Variants in DEPTOR observed in about 807,000 individuals in gnomAD.
The protein encoded by DEPTOR is DEP domain containing MTOR interacting protein, also known as DEP domain-containing mTOR-interacting protein.
Under a neutral mutation model 41.6 loss-of-function variants are expected in DEPTOR, and 41 were observed. The observed-to-expected ratio is 0.98, with a 90% CI of 0.77 to 1.28. The LOEUF (loss-of-function observed/expected upper bound fraction) is 1.28. Among genes scored for constraint, DEPTOR ranks in the 50% most tolerant of loss-of-function variants. The pLI is 0.00. For missense variants in DEPTOR, 514 were observed against 527.9 expected (o/e 0.97, Z 0.26); for synonymous variants, 195 against 192.3 (o/e 1.01, Z -0.12).
At chr8:119,877,240 C>T (rs980050516) in intron 1 of DEPTOR, among the ~76,000 whole-genome samples, 5 of 152,172 alleles carry the variant, frequency 3.3e-5, no homozygotes, top group Admixed American at 1.3e-4. Flanking sequence ...AAATTTTAAT[C>T]ATTGCTGTTT....
chr8:119,880,454 G>T (rs1296321124), intron 1 of DEPTOR, among the ~76,000 whole-genome samples: 3 of 152,152 alleles, frequency 2.0e-5, no homozygotes, highest in Non-Finnish European at 4.4e-5. Flanking sequence ...GAGTGTTTCT[G>T]CTCTTAAGCA....
chr8:119,930,977 C>T (rs139619019), intron 3 of DEPTOR, among the ~76,000 whole-genome samples: 13 of 152,104 alleles, frequency 8.5e-5, no homozygotes, highest in South Asian at 8.3e-4. Flanking sequence ...TTTGGGAGGC[C>T]GAGGTGGGTG....
intron 4 of DEPTOR, among the ~76,000 whole-genome samples, chr8:119,981,230 A>C (rs1828763176): frequency 6.6e-6 from 1 of 152,190 alleles, no homozygotes; most frequent in South Asian, 2.1e-4. Context: ...TTCCAAACTG[A>C]ATTAACACCA....
chr8:119,997,280 G>T (rs1048683572), intron 4 of DEPTOR, among the ~76,000 whole-genome samples: 9 of 152,058 alleles, frequency 5.9e-5, no homozygotes, highest in Non-Finnish European at 1.0e-4. Context: ...TGTTGCCCAG[G>T]CTGGAATGTA....
chr8:119,910,579 A>G (rs1827724177), intron 1 of DEPTOR, among the ~76,000 whole-genome samples: 2 of 151,770 alleles, frequency 1.3e-5, no homozygotes, highest in Non-Finnish European at 2.9e-5. Flanking sequence ...CAGCCTCCCT[A>G]GTAGCTGAGA....
At chr8:119,913,368 G>C (rs1160094152) in intron 1 of DEPTOR, among the ~76,000 whole-genome samples, 2 of 152,200 alleles carry the variant, frequency 1.3e-5, no homozygotes, top group Non-Finnish European at 2.9e-5. Context: ...AAGAGAGGGG[G>C]CAATGACAAA....
At chr8:119,919,308 A>G (rs1379413805) in intron 1 of DEPTOR, among the ~76,000 whole-genome samples, 4 of 152,220 alleles carry the variant, frequency 2.6e-5, no homozygotes, top group Non-Finnish European at 5.9e-5. Flanking sequence ...CACAGTAGGT[A>G]GAAACATATA....
chr8:119,947,367 T>C (rs1186178646), intron 3 of DEPTOR, among the ~76,000 whole-genome samples: 2 of 152,210 alleles, frequency 1.3e-5, no homozygotes, highest in African/African-American at 4.8e-5. Flanking sequence ...TCCCTTTCAA[T>C]CATATTCTGC....
intron 3 of DEPTOR, among the ~76,000 whole-genome samples, chr8:119,951,560 G>A (rs1828354380): frequency 6.6e-6 from 1 of 152,166 alleles, no homozygotes; most frequent in African/African-American, 2.4e-5. Flanking sequence ...TCTTCAGAGT[G>A]TAAAACCAAC....
chr8:119,995,997 C>T (rs1812253173), intron 4 of DEPTOR, among the ~76,000 whole-genome samples: 2 of 152,190 alleles, frequency 1.3e-5, no homozygotes, highest in Admixed American at 1.3e-4. Flanking sequence ...TATCATTAAA[C>T]TTTTAATGAA....
intron 1 of DEPTOR, among the ~76,000 whole-genome samples, chr8:119,877,995 G>A (rs1190428218): frequency 6.6e-6 from 1 of 151,712 alleles, no homozygotes; most frequent in African/African-American, 2.4e-5. Flanking sequence ...GCAATGGCGC[G>A]ATCTCGGCTC....
chr8:120,028,955 T>C (rs911078850), intron 8 of DEPTOR, among the ~76,000 whole-genome samples: 1 of 151,752 alleles, frequency 6.6e-6, no homozygotes, highest in African/African-American at 2.4e-5. Context: ...CGTGATGGCA[T>C]GTGCCTACTT....
chr8:119,907,598 C>T (rs77898248), intron 1 of DEPTOR, among the ~76,000 whole-genome samples: 182 of 152,050 alleles, frequency 1.2e-3, no homozygotes, highest in African/African-American at 4.1e-3. Flanking sequence ...TTTGAGACCA[C>T]ACTGGCCAAC....
At chr8:119,897,408 C>T (rs1345607120) in intron 1 of DEPTOR, among the ~76,000 whole-genome samples, 1 of 152,096 alleles carries the variant, frequency 6.6e-6, no homozygotes, top group East Asian at 1.9e-4. Flanking sequence ...TAGCAGGCGC[C>T]TGTAATCCCA....
At chr8:119,972,616 C>G (rs1019473531) in intron 4 of DEPTOR, among the ~76,000 whole-genome samples, 5 of 132,482 alleles carry the variant, frequency 3.8e-5, no homozygotes, top group African/African-American at 5.8e-5. Flanking sequence ...GAGTAAGACT[C>G]TGTCTCAAAA....
chr8:119,873,906 C>A lies in DEPTOR; in HGVS notation c.60C>A (p.Gly20=). The A allele has an allele frequency of 6.2e-7, 1 of 1,613,698 alleles. No homozygotes were observed. The highest frequency in any genetic ancestry group is 1.7e-4 in the Middle Eastern group (1 of 6,058). Residue 20 remains glycine, a synonymous_variant, in exon 1 of 9, where the codon GGC becomes GGA. Coordinates refer to ENST00000286234, the MANE Select transcript of DEPTOR (RefSeq NM_022783.4). ...AGSDSSTSGS[G]GAQQRELERM... ...GTGACAGCAGCACCAGCGGGAGTGG[C>A]GGGGCGCAGCAAAGGGAGCTGGAGC...
At chr8:119,973,815 G>A (rs977184036) in intron 4 of DEPTOR, among the ~76,000 whole-genome samples, 2 of 152,086 alleles carry the variant, frequency 1.3e-5, no homozygotes, top group Non-Finnish European at 2.9e-5. Context: ...ATCATACTGT[G>A]CCATATACAA....
intron 8 of DEPTOR, among the ~76,000 whole-genome samples, chr8:120,017,829 T>C (rs1440197235): frequency 6.6e-6 from 1 of 152,218 alleles, no homozygotes; most frequent in African/African-American, 2.4e-5. Flanking sequence ...GTTTTCATGC[T>C]ACCCTGTGCC....
intron 4 of DEPTOR, among the ~76,000 whole-genome samples, chr8:119,995,115 T>C (rs1229911109): frequency 6.6e-6 from 1 of 152,116 alleles, no homozygotes; most frequent in Non-Finnish European, 1.5e-5. Flanking sequence ...CTTACAACAC[T>C]CTATGTCAGA....
Sources: gnomAD v4.1 joint callset for allele counts (sites outside exome capture counted in the v4.1 genomes callset) on GRCh38, gnomAD v4.1.1 for gene constraint, MANE v1.5 for transcripts, NCBI Gene and HGNC (gene_info 2026-07-23, HGNC 2026-07-21) for gene names.